Variants in TTC21A observed in about 807,000 individuals in gnomAD.
TTC21A encodes tetratricopeptide repeat protein 21A.
Under a neutral mutation model 156.4 loss-of-function variants are expected in TTC21A, and 128 were observed. The ratio of observed to expected loss-of-function variants is 0.82; its 90% CI spans 0.71 to 0.95. TTC21A has a LOEUF of 0.95. TTC21A is among the 40% of genes least tolerant of loss of function. The pLI is 0.00. For missense variants in TTC21A, 1,435 were observed against 1,602.3 expected (o/e 0.90, Z 1.78); for synonymous variants, 587 against 617.1 (o/e 0.95, Z 0.72).
At chr3:39,126,153 T>C in intron 11 of TTC21A, 108 bp from the exon 12 acceptor site, 1 of 1,359,880 alleles carries the variant, frequency 7.4e-7, no homozygotes, top group East Asian at 2.3e-5. Context: ...AATAAATAAG[T>C]GTGGAATGAA....
At chr3:39,132,870 T>C (rs2038834176) in intron 19 of TTC21A, 182 bp from the exon 20 acceptor site, 1 of 627,518 alleles carries the variant, frequency 1.6e-6, no homozygotes, top group Admixed American at 3.0e-5. Context: ...CCAGAGGCAG[T>C]GCCAGCTTGC....
In TTC21A at chr3:39,130,854, T is replaced by TA; in HGVS notation, c.2458+17dup. 6.2e-7 allele frequency: 1 copy of TA among 1,614,040 alleles called. No individual in the cohort carries two copies. The highest frequency in any genetic ancestry group is 8.5e-7 in the Non-Finnish European group (1 of 1,179,920). On this transcript the variant is annotated intron_variant, in intron 18 of 28. Transcript: ENST00000683103. The surrounding 1 kb of genome is among the most constrained non-coding windows in gnomAD (Gnocchi z 4.5). The stretch of plus-strand genomic sequence containing the variant: ...ACATGACATTGGTGAGGCAGCATTG[T>TA]AACCCATTTCTAGCATTTGGAGCAG...
At position 39,126,267 on chromosome 3, in the gene TTC21A, T is replaced by C. The variant is rs1329765620; in HGVS notation, c.1399T>C (p.Leu467=). The change falls in exon 12 of 29, where the codon TTA becomes CTA. Residue 467 remains leucine, a synonymous_variant. Coordinates refer to ENST00000683103, the MANE Select transcript of TTC21A (RefSeq NM_001366900.1). The stretch of plus-strand genomic sequence containing the variant: ...CACCGCCGTGTTCCCACAGCCCAGG[T>C]TACCAGGCCAGATCGTGTCTCCACT... ...YLLFCPKQPR[L]PGQIVSPLLK... The C allele has an allele frequency of 6.2e-7, 1 of 1,613,956 alleles. No individual in the cohort carries two copies. Among genetic ancestry groups the C allele is most frequent in the Non-Finnish European group, 8.5e-7 (1 of 1,179,988 alleles).
chr3:39,137,131 C>T (rs1443605070), intron 24 of TTC21A, 64 bp from the exon 25 acceptor site: 1 of 1,599,552 alleles, frequency 6.3e-7, no homozygotes, highest in African/African-American at 1.3e-5. Flanking sequence ...TGGGTTGAAG[C>T]CAGGTGAGGG....
chr3:39,112,714 G>T, intron 5 of TTC21A, 134 bp downstream of exon 5: 1 of 1,390,278 alleles, frequency 7.2e-7, no homozygotes, highest in Non-Finnish European at 9.6e-7. Context: ...CAGAGGCCCA[G>T]AGAGGTTCAG....
At chr3:39,108,018 G>T in intron 1 of TTC21A, 154 bp downstream of exon 1, 1 of 866,878 alleles carries the variant, frequency 1.2e-6, no homozygotes, top group Non-Finnish European at 1.8e-6. Flanking sequence ...TGGCAAGGGC[G>T]TCTTCTCCGG....
intron 2 of TTC21A, 87 bp downstream of exon 2, chr3:39,109,301 C>A: frequency 6.9e-7 from 1 of 1,446,804 alleles, no homozygotes. Context: ...TTCTTGTATC[C>A]TAGTTATGGT....
chr3:39,127,649 C>A (rs1182639612), intron 12 of TTC21A, among the ~76,000 whole-genome samples: 1 of 152,166 alleles, frequency 6.6e-6, no homozygotes, highest in East Asian at 1.9e-4. Flanking sequence ...AAGAGAGTGC[C>A]CCTACCAACT....
rs201636898 is a variant in TTC21A, at chr3:39,129,113, C to T, written c.1938C>T (p.Phe646=). 2.0e-4 allele frequency: 330 copies of T among 1,614,214 alleles called. 3 individuals carry two copies. In the South Asian group the frequency reaches 3.3e-3, roughly 16 times the overall value. Residue 646 remains phenylalanine, a synonymous_variant, in exon 15 of 29, where the codon TTC becomes TTT. Transcript: ENST00000683103. ...TCATGCAGGACACCATCAATGAGTT[C>T]GGTGGCACACCAGAAGAGAACCGCA... ...TKVMQDTINE[F]GGTPEENRIT...
chr3:39,114,747 G>A lies in TTC21A; in HGVS notation c.716+5G>A. 1 of 1,614,158 alleles carries A rather than the reference G, an allele frequency of 6.2e-7. No homozygotes were observed. The highest frequency in any genetic ancestry group is 8.5e-7 in the Non-Finnish European group (1 of 1,180,004). On this transcript the variant is annotated splice_donor_5th_base_variant and intron_variant, in intron 6 of 28. Transcript: ENST00000683103. Reference sequence around the variant, plus strand: ...GACAGTAGAAATGGGACACAGGTGAGCTACTGCACAAATGGGCAGCCAAGG... The same window carrying A: ...GACAGTAGAAATGGGACACAGGTGAACTACTGCACAAATGGGCAGCCAAGG...
rs2037834822 is a variant in TTC21A, at chr3:39,122,311, A to C, written c.1093+1122A>C. Among the ~76,000 whole-genome samples, 3 of 64,098 alleles carry C rather than the reference A, an allele frequency of 4.7e-5. No homozygotes were observed. In the Admixed American group the frequency reaches 6.8e-4, roughly 14 times the overall value. The allele number at this position is 64,098 out of a possible 152,430, so 42.1% of individuals were successfully genotyped here. A position where few individuals can be genotyped will look rare whatever the true frequency, so the allele number is the denominator to read the frequency against. On this transcript the variant is annotated intron_variant, in intron 9 of 28. Transcript: ENST00000683103. ...GGGCCACAGAGTGAGACTCCACCTCAAAAAAAGAAAGAAAAAAAAAAAAAA... is the reference window on the plus strand; with the variant it reads ...GGGCCACAGAGTGAGACTCCACCTCCAAAAAAGAAAGAAAAAAAAAAAAAA...
chr3:39,138,453 C>T, intron 27 of TTC21A, 66 bp downstream of exon 27: 1 of 1,613,288 alleles, frequency 6.2e-7, no homozygotes, highest in Non-Finnish European at 8.5e-7. Flanking sequence ...GGGCCCCCAC[C>T]ATGACCCCAG....
intron 23 of TTC21A, 51 bp downstream of exon 23, chr3:39,136,558 T>G: frequency 6.3e-7 from 1 of 1,591,892 alleles, no homozygotes. Context: ...GAAGCCCTAC[T>G]GGCAGATAGG....
At position 39,133,252 on chromosome 3, in the gene TTC21A, T is replaced by C. The variant is rs755206103; in HGVS notation, c.2751+12T>C. Reference sequence around the variant, plus strand: ...CAACTGACAATAAGGTGAGTGGCCCTCAAAGCAAGAGGCTGCTTTCTCCCT... The same window carrying C: ...CAACTGACAATAAGGTGAGTGGCCCCCAAAGCAAGAGGCTGCTTTCTCCCT... On this transcript the variant is annotated intron_variant, in intron 20 of 28. Coordinates refer to ENST00000683103, the MANE Select transcript of TTC21A (RefSeq NM_001366900.1). The C allele has an allele frequency of 1.2e-6, 2 of 1,609,896 alleles. No individual in the cohort carries two copies. Among genetic ancestry groups the C allele is most frequent in the South Asian group, 2.2e-5 (2 of 90,878 alleles).
At position 39,121,588 on chromosome 3, in the gene TTC21A, C is replaced by T. The variant is rs191182718; in HGVS notation, c.1093+399C>T. ...CCTCTGTAGACCCTCCTTCAGGGCT[C>T]TGAGCTGAAAAACCACCAAAAAGAG... On this transcript the variant is annotated intron_variant, in intron 9 of 28. Coordinates refer to ENST00000683103, the MANE Select transcript of TTC21A (RefSeq NM_001366900.1). 2.5e-3 allele frequency among the ~76,000 whole-genome samples: 378 copies of T among 152,340 alleles called. 1 individual carries two copies. The highest frequency in any genetic ancestry group is 8.6e-3 in the African/African-American group (358 of 41,570).
At chr3:39,135,526 G>T (rs191656919) in intron 22 of TTC21A, among the ~76,000 whole-genome samples, 4 of 152,164 alleles carry the variant, frequency 2.6e-5, no homozygotes, top group Admixed American at 2.0e-4. Context: ...TCACTGCAGC[G>T]TAAAACCACC....
chr3:39,132,487 A>T (rs776918582), intron 19 of TTC21A, among the ~76,000 whole-genome samples: 2 of 152,190 alleles, frequency 1.3e-5, no homozygotes, highest in Non-Finnish European at 2.9e-5. Context: ...TGACTGTTTG[A>T]GATGATTTAT....
rs1575544162 is a variant in TTC21A, at chr3:39,129,218, C to T, written c.2043C>T (p.Pro681=). 1 of 1,614,188 alleles carries T rather than the reference C, an allele frequency of 6.2e-7. No homozygotes were observed. Among genetic ancestry groups the T allele is most frequent in the Non-Finnish European group, 8.5e-7 (1 of 1,180,036 alleles). Residue 681 remains proline (P), a synonymous_variant, in exon 15 of 29, where the codon CCC becomes CCT. Coordinates refer to ENST00000683103, the MANE Select transcript of TTC21A (RefSeq NM_001366900.1). The part of the protein sequence containing the change: ...VALNMLRNIL[P]KQSCYMEARE... ...TGAACATGCTAAGGAACATCTTGCC[C>T]AAGCAGTCCTGCTATATGGAAGCCA...
At chr3:39,108,714 T>C (rs58486948) in intron 1 of TTC21A, among the ~76,000 whole-genome samples, 11,446 of 152,282 alleles carry the variant, frequency 0.075, 624 homozygotes, top group African/African-American at 0.15. Context: ...ATGCACAGGA[T>C]AGTGGATATG....
Sources: gnomAD v4.1 joint callset for allele counts (sites outside exome capture counted in the v4.1 genomes callset) on GRCh38, gnomAD v4.1.1 for gene constraint, Gnocchi (gnomAD v3.1) non-coding constraint, MANE v1.5 for transcripts, NCBI Gene and HGNC (gene_info 2026-07-23, HGNC 2026-07-21) for gene names.